Variants in ANKS4B observed in about 807,000 individuals in gnomAD.
ANKS4B encodes the protein ankyrin repeat and sterile alpha motif domain containing 4B.
Under a neutral mutation model 20.2 loss-of-function variants are expected in ANKS4B, and 21 were observed. The observed-to-expected ratio is 1.04, with a 90% CI of 0.74 to 1.50. The LOEUF is 1.50. Ranked by LOEUF, ANKS4B falls within the 40% of genes most tolerant of loss-of-function variation. The pLI, the probability that ANKS4B is intolerant of heterozygous loss-of-function variation, is 0.00. For synonymous variants in ANKS4B, 179 were observed against 194.5 expected (o/e 0.92, Z 0.66); for missense variants, 473 against 494.6 (o/e 0.96, Z 0.41).
chr16:21,243,709 C>T (rs1339188506), intron 1 of ANKS4B, among the ~76,000 whole-genome samples: 1 of 152,012 alleles, frequency 6.6e-6, no homozygotes, highest in Admixed American at 6.6e-5. Flanking sequence ...GTAGCTGGGA[C>T]TACAGGTACA....
rs1396820167 is a variant in ANKS4B at position 21,249,941 on chromosome 16, C to T, written c.375C>T (p.Asn125=). ...TGGACAAGGCTGCCACTGCACAGAA[C>T]ATCATGAACCCCAAGAAGGTCACCA... ...ALLDKAATAQ[N]IMNPKKVTRL... is the part of the protein sequence containing the mutation. The change falls in exon 2 of 2, where the codon AAC becomes AAT. Residue 125 remains asparagine, a synonymous_variant. Coordinates refer to ENST00000311620, the MANE Select transcript of ANKS4B (RefSeq NM_145865.3). 8.7e-6 allele frequency: 14 copies of T among 1,614,194 alleles called. No individual in the cohort carries two copies. The highest frequency in any genetic ancestry group is 1.2e-5 in the Non-Finnish European group (14 of 1,180,034).
At chr16:21,241,412 GTGTT>G (rs745328722) in intron 1 of ANKS4B, among the ~76,000 whole-genome samples, 3 of 151,962 alleles carry the variant, frequency 2.0e-5, no homozygotes, top group African/African-American at 4.8e-5. Context: ...CTGTTTTATG[GTGTT>G]TGTTTGTTTG....
intron 1 of ANKS4B, among the ~76,000 whole-genome samples, chr16:21,237,715 T>C (rs2093321942): frequency 6.6e-6 from 1 of 152,202 alleles, no homozygotes; most frequent in African/African-American, 2.4e-5. Context: ...TTAACGCTGT[T>C]ACATTGACGA....
rs1181785895 is a variant in ANKS4B at position 21,252,752 on chromosome 16, C to T, written c.*1932C>T. Reference sequence around the variant, plus strand: ...GGTTCCACGATAGAAACTGACAACACTTGGCTCATGCCTGTAATCCCAGCA... The same window carrying T: ...GGTTCCACGATAGAAACTGACAACATTTGGCTCATGCCTGTAATCCCAGCA... On this transcript the variant is annotated 3_prime_UTR_variant, in exon 2 of 2. Coordinates refer to ENST00000311620, the MANE Select transcript of ANKS4B (RefSeq NM_145865.3). 6.6e-6 allele frequency: 1 copy of T among 152,044 alleles called. No individual in the cohort carries two copies. 9.4% of individuals were successfully genotyped at this position (152,044 alleles called of 1,614,324 possible). A position where few individuals can be genotyped will look rare whatever the true frequency, so the allele number is the denominator to read the frequency against.
intron 1 of ANKS4B, among the ~76,000 whole-genome samples, chr16:21,248,499 G>T (rs1388500811): frequency 6.6e-6 from 1 of 151,978 alleles, no homozygotes; most frequent in Non-Finnish European, 1.5e-5. Context: ...GGAGGCTGAG[G>T]CGGGTGGATC....
In ANKS4B at chr16:21,253,840, A is replaced by G. The variant is rs923828325; in HGVS notation, c.*3020A>G. 7.9e-5 allele frequency: 12 copies of G among 152,238 alleles called. No homozygotes were observed. The highest frequency in any genetic ancestry group is 4.4e-5 in the Non-Finnish European group (3 of 68,048). 9.4% of individuals were successfully genotyped at this position (152,238 alleles called of 1,614,324 possible). On this transcript the variant is annotated 3_prime_UTR_variant, in exon 2 of 2. Transcript: ENST00000311620. ...ATTGTTATATAATAAAAAAAGGTTTATACCATGTTATAAGATGTTATCAAT... is the reference window on the plus strand; with the variant it reads ...ATTGTTATATAATAAAAAAAGGTTTGTACCATGTTATAAGATGTTATCAAT...
intron 1 of ANKS4B, among the ~76,000 whole-genome samples, chr16:21,246,500 T>C (rs1019319732): frequency 6.6e-6 from 1 of 152,206 alleles, no homozygotes; most frequent in Non-Finnish European, 1.5e-5. Flanking sequence ...GTACAGGTTT[T>C]TGAATAAATT....
At chr16:21,244,789 C>CA (rs1236702061) in intron 1 of ANKS4B, among the ~76,000 whole-genome samples, 1 of 152,152 alleles carries the variant, frequency 6.6e-6, no homozygotes, top group Non-Finnish European at 1.5e-5. Flanking sequence ...CCTTTCATCC[C>CA]AAACAATTAA....
Position 21,250,557 on chromosome 16 carries a change from T to A in ANKS4B, c.991T>A (p.Trp331Arg). The A allele has an allele frequency of 1.9e-6, 3 of 1,614,020 alleles. No homozygotes were observed. The highest frequency in any genetic ancestry group is 2.5e-6 in the Non-Finnish European group (3 of 1,179,996). The change falls in exon 2 of 2, where the codon TGG becomes AGG. Residue 331 changes from tryptophan to arginine, a missense_variant. Transcript: ENST00000311620. ...AAACGGCCTCAAAGATGATCTGCCG[T>A]GGGATGACGATGAAGTGGAGTGGGA... ...EENGLKDDLP[W>R]DDDEVEWEED...
At chr16:21,246,390 A>G (rs1178169476) in intron 1 of ANKS4B, among the ~76,000 whole-genome samples, 1 of 152,238 alleles carries the variant, frequency 6.6e-6, no homozygotes, top group African/African-American at 2.4e-5. Context: ...TTGGACTACT[A>G]TAAGTATGTT....
intron 1 of ANKS4B, among the ~76,000 whole-genome samples, chr16:21,247,509 C>T (rs771887515): frequency 9.2e-5 from 14 of 152,270 alleles, no homozygotes; most frequent in African/African-American, 2.2e-4. Flanking sequence ...CTCTACTTCT[C>T]GGGAATGTTA....
In ANKS4B at chr16:21,250,848, G is replaced by A. The variant is rs771931271; in HGVS notation, c.*28G>A. On this transcript the variant is annotated 3_prime_UTR_variant, in exon 2 of 2. Transcript: ENST00000311620. ...GAGAGTTTTGGCCTGGAGCATTGGG[G>A]TGATGCTGTGGCCCGCTGGCAGCAC... The A allele has an allele frequency of 3.2e-6, 5 of 1,556,308 alleles. No individual in the cohort carries two copies. In the East Asian group the frequency reaches 1.1e-4, roughly 35 times the overall value.
At chr16:21,244,995 G>A (rs2093330674) in intron 1 of ANKS4B, among the ~76,000 whole-genome samples, 1 of 152,140 alleles carries the variant, frequency 6.6e-6, no homozygotes, top group South Asian at 2.1e-4. Context: ...TCAGCCATCT[G>A]TGCCTCTGCT....
chr16:21,243,350 C>T (rs537979718), intron 1 of ANKS4B, among the ~76,000 whole-genome samples: 6 of 152,262 alleles, frequency 3.9e-5, no homozygotes, highest in African/African-American at 7.2e-5. Context: ...GCTTAGCCCA[C>T]GAAAACCGTA....
Position 21,251,089 on chromosome 16 carries a change from G to T in ANKS4B, c.*269G>T. On this transcript the variant is annotated 3_prime_UTR_variant, in exon 2 of 2. Transcript: ENST00000311620. ...ATATGTACATATAATTGTTTTTGTGGTTGTTTTGTTTTGTTTTGTTTTGTT... is the reference window on the plus strand; with the variant it reads ...ATATGTACATATAATTGTTTTTGTGTTTGTTTTGTTTTGTTTTGTTTTGTT... The T allele has an allele frequency of 2.6e-6, 1 of 383,250 alleles. No individual in the cohort carries two copies. The highest frequency in any genetic ancestry group is 4.6e-6 in the Non-Finnish European group (1 of 215,932). The allele number at this position is 383,250 out of a possible 1,614,324, so 23.7% of individuals were successfully genotyped here. A position where few individuals can be genotyped will look rare whatever the true frequency, so the allele number is the denominator to read the frequency against.
Position 21,251,537 on chromosome 16 carries a change from A to T in ANKS4B, c.*717A>T, listed in dbSNP as rs1463634934. The T allele has an allele frequency of 6.6e-6, 1 of 152,182 alleles. No individual in the cohort carries two copies. The allele number at this position is 152,182 out of a possible 1,614,324, so 9.4% of individuals were successfully genotyped here. A position where few individuals can be genotyped will look rare whatever the true frequency, so the allele number is the denominator to read the frequency against. ...ACATTATCCTGCTGCTTGCTTTCCG[A>T]TCTGTGTAACCTGGGAATTCCAATT... is the stretch of plus-strand genomic sequence containing the variant. On this transcript the variant is annotated 3_prime_UTR_variant, in exon 2 of 2. Coordinates refer to ENST00000311620, the MANE Select transcript of ANKS4B (RefSeq NM_145865.3).
Position 21,251,170 on chromosome 16 carries a change from A to G in ANKS4B, c.*350A>G, listed in dbSNP as rs1158305003. The G allele has an allele frequency of 5.2e-6, 1 of 192,782 alleles. No individual in the cohort carries two copies. Among genetic ancestry groups the G allele is most frequent in the East Asian group, 1.1e-4 (1 of 8,936 alleles). 11.9% of individuals were successfully genotyped at this position (192,782 alleles called of 1,614,324 possible). A position where few individuals can be genotyped will look rare whatever the true frequency, so the allele number is the denominator to read the frequency against. On this transcript the variant is annotated 3_prime_UTR_variant, in exon 2 of 2. Coordinates refer to ENST00000311620, the MANE Select transcript of ANKS4B (RefSeq NM_145865.3). ...CAGGCTAGGGTGCAGTGGTATGATC[A>G]TAGTTCACTGTATTCTCAACCTCCT... is the stretch of plus-strand genomic sequence containing the variant.
Position 21,249,835 on chromosome 16 carries a change from A to G in ANKS4B, c.269A>G (p.Asn90Ser), listed in dbSNP as rs778804642. 20 of 1,614,048 alleles carry G rather than the reference A, an allele frequency of 1.2e-5. No individual in the cohort carries two copies. The highest frequency in any genetic ancestry group is 1.6e-5 in the Non-Finnish European group (19 of 1,180,052). ...TCATTCCTGGTCAACTTTGGTGCCAACATCTTTGCCCTGGATAATGACTTA... is the reference window on the plus strand; with the variant it reads ...TCATTCCTGGTCAACTTTGGTGCCAGCATCTTTGCCCTGGATAATGACTTA... ...CVSFLVNFGANIFALDNDLQT... is the reference protein window; with the variant it reads ...CVSFLVNFGASIFALDNDLQT... The change falls in exon 2 of 2, where the codon AAC becomes AGC. Residue 90 changes from asparagine (N) to serine (S), a missense_variant. Transcript: ENST00000311620.
intron 1 of ANKS4B, among the ~76,000 whole-genome samples, chr16:21,248,452 G>T (rs908396729): frequency 6.6e-6 from 1 of 151,868 alleles, no homozygotes; most frequent in Non-Finnish European, 1.5e-5. Context: ...ATTACAGGCT[G>T]GGCGTGGTGG....
Sources: allele counts gnomAD v4.1 joint callset (sites outside exome capture counted in the v4.1 genomes callset), GRCh38; gene constraint gnomAD v4.1.1; transcripts MANE v1.5; gene names NCBI Gene and HGNC (gene_info 2026-07-23, HGNC 2026-07-21).